The following IFT57 variants were observed in gnomAD, a reference collection of about 807,000 sequenced individuals.
IFT57 encodes intraflagellar transport 57.
Under a neutral mutation model 56.8 loss-of-function variants are expected in IFT57, and 59 were observed. The observed-to-expected ratio is 1.04, with a 90% CI of 0.84 to 1.29. IFT57 has a LOEUF of 1.29. IFT57 is among the 50% of genes most tolerant of loss of function. IFT57 has a pLI of 0.00. For missense variants in IFT57, 470 were observed against 522.1 expected (o/e 0.90, Z 0.97); for synonymous variants, 209 against 186.1 (o/e 1.12, Z -1.00).
At position 108,222,221 on chromosome 3, in the gene IFT57, G is replaced by C; in HGVS notation, c.102C>G (p.Pro34=). ...CCACGAACATGTGGTAGGCCGCGCC[G>C]GGCCCCCGCTCCAAGACCACTTCCC... ...GTGEVVLERG[P]GAAYHMFVVM... The change falls in exon 1 of 11, where the codon CCC becomes CCG. Residue 34 remains proline (P), a synonymous_variant. Coordinates refer to ENST00000264538, the MANE Select transcript of IFT57 (RefSeq NM_018010.4). 1.2e-6 allele frequency: 2 copies of C among 1,614,064 alleles called. No homozygotes were observed. Among genetic ancestry groups the C allele is most frequent in the Non-Finnish European group, 1.7e-6 (2 of 1,180,016 alleles).
intron 6 of IFT57, among the ~76,000 whole-genome samples, chr3:108,186,173 T>TAC (rs2080180972): frequency 6.6e-6 from 1 of 152,162 alleles, no homozygotes; most frequent in Non-Finnish European, 1.5e-5. Flanking sequence ...TCAATGAAGA[T>TAC]ACCATTGTTG....
chr3:108,167,796 G>A lies in IFT57; in HGVS notation c.846C>T (p.Thr282=). The part of the protein sequence containing the change: ...RSGIESALKE[T]KGFLDKLHNE... ...TCACGTAAAGTAATTCATATACCTT[G>A]GTCTCCTTTAGAGCAGATTCAATTC... The change falls in exon 7 of 11, where the codon ACC becomes ACT. Residue 282 remains threonine (T), a synonymous_variant. Transcript: ENST00000264538. The A allele has an allele frequency of 1.3e-6, 2 of 1,562,180 alleles. No homozygotes were observed. Among genetic ancestry groups the A allele is most frequent in the East Asian group, 2.4e-5 (1 of 42,340 alleles).
At chr3:108,220,699 G>A (rs1237281221) in intron 1 of IFT57, among the ~76,000 whole-genome samples, 4 of 87,336 alleles carry the variant, frequency 4.6e-5, no homozygotes, top group Admixed American at 2.2e-4. Flanking sequence ...TCATCTGGAA[G>A]GCTTACTGAA....
chr3:108,211,555 C>G (rs889313695), intron 4 of IFT57, among the ~76,000 whole-genome samples: 1 of 152,228 alleles, frequency 6.6e-6, no homozygotes, highest in African/African-American at 2.4e-5. Context: ...GCACATGCTA[C>G]ACAGTCAGGG....
At chr3:108,192,713 C>A (rs904482753) in intron 5 of IFT57, among the ~76,000 whole-genome samples, 5 of 151,594 alleles carry the variant, frequency 3.3e-5, no homozygotes, top group Admixed American at 3.3e-4. Flanking sequence ...ATGTATGAAC[C>A]TTATATGAAT....
chr3:108,167,956 G>C (rs2080071632), intron 6 of IFT57, 92 bp from the exon 7 acceptor site: 2 of 904,060 alleles, frequency 2.2e-6, no homozygotes, highest in African/African-American at 1.7e-5. Flanking sequence ...TAATTACTTT[G>C]GTTCCTGCCC....
At chr3:108,206,549 G>T in intron 5 of IFT57, 79 bp downstream of exon 5, 1 of 581,336 alleles carries the variant, frequency 1.7e-6, no homozygotes, top group Non-Finnish European at 2.9e-6. Context: ...GGCCAACAAC[G>T]GTTTCTACTC....
intron 6 of IFT57, among the ~76,000 whole-genome samples, chr3:108,190,942 G>A (rs891779683): frequency 1.3e-5 from 2 of 152,002 alleles, no homozygotes; most frequent in Non-Finnish European, 2.9e-5. Context: ...ACAGGCACGT[G>A]CCACCATGCC....
intron 6 of IFT57, among the ~76,000 whole-genome samples, chr3:108,173,813 TAA>T (rs2080108560): frequency 7.9e-6 from 1 of 126,028 alleles, no homozygotes; most frequent in African/African-American, 3.0e-5. Context: ...TGTGTGTATA[TAA>T]TATAGTATAT....
At chr3:108,177,588 G>A (rs532689492) in intron 6 of IFT57, among the ~76,000 whole-genome samples, 1 of 151,562 alleles carries the variant, frequency 6.6e-6, no homozygotes, top group Admixed American at 6.6e-5. Context: ...AACACAAGGT[G>A]GGGGGACAGG....
At chr3:108,178,858 A>G (rs2080137665) in intron 6 of IFT57, among the ~76,000 whole-genome samples, 1 of 151,902 alleles carries the variant, frequency 6.6e-6, no homozygotes, top group Non-Finnish European at 1.5e-5. Flanking sequence ...TCACATACTT[A>G]CACCATGACC....
chr3:108,203,723 G>C (rs1273338947), intron 5 of IFT57, among the ~76,000 whole-genome samples: 3 of 152,186 alleles, frequency 2.0e-5, no homozygotes, highest in Non-Finnish European at 4.4e-5. Context: ...TGCTCCAGTG[G>C]AGTTTGCATT....
intron 8 of IFT57, 74 bp downstream of exon 8, chr3:108,166,780 G>T: frequency 2.4e-6 from 3 of 1,242,942 alleles, no homozygotes; most frequent in South Asian, 3.5e-5. Flanking sequence ...ATTCTCAAAT[G>T]AACAGTATTG....
At chr3:108,219,661 A>C in intron 1 of IFT57, 89 bp from the exon 2 acceptor site, 1 of 1,355,216 alleles carries the variant, frequency 7.4e-7, no homozygotes, top group Non-Finnish European at 1.0e-6. Context: ...ACAATTGTCC[A>C]ACAATCTTTC....
intron 6 of IFT57, among the ~76,000 whole-genome samples, chr3:108,183,218 G>GAATA (rs1262814827): frequency 1.3e-5 from 2 of 151,904 alleles, no homozygotes; most frequent in African/African-American, 4.8e-5. Flanking sequence ...TCTTCATGAA[G>GAATA]AATAATAGGA....
chr3:108,184,467 C>T (rs2080168733), intron 6 of IFT57, among the ~76,000 whole-genome samples: 1 of 151,826 alleles, frequency 6.6e-6, no homozygotes, highest in Admixed American at 6.6e-5. Context: ...GTTATAAACA[C>T]ATAAAATATA....
At chr3:108,213,167 G>T (rs1406880436) in intron 4 of IFT57, among the ~76,000 whole-genome samples, 1 of 152,004 alleles carries the variant, frequency 6.6e-6, no homozygotes, top group African/African-American at 2.4e-5. Context: ...TATTGGTAAG[G>T]CTTCAAGTCA....
chr3:108,162,343 T>A lies in IFT57; in HGVS notation c.*134A>T, dbSNP rs111640670. 3 of 578,980 alleles carry A rather than the reference T, an allele frequency of 5.2e-6. No individual in the cohort carries two copies. Among genetic ancestry groups the A allele is most frequent in the African/African-American group, 3.8e-5 (2 of 53,032 alleles). The allele number at this position is 578,980 out of a possible 1,614,324, so 35.9% of individuals were successfully genotyped here. On this transcript the variant is annotated 3_prime_UTR_variant, in exon 11 of 11. Transcript: ENST00000264538. ...AAGGCTTTAACCATCATAATCACCA[T>A]GATATAATATGTGAGTATGTATATG...
intron 4 of IFT57, among the ~76,000 whole-genome samples, chr3:108,212,489 A>G (rs1237146808): frequency 2.0e-5 from 3 of 152,164 alleles, no homozygotes; most frequent in African/African-American, 7.2e-5. Flanking sequence ...ACTTTGTCTT[A>G]CCATGATTGT....
Sources: gnomAD v4.1 joint callset for allele counts (sites outside exome capture counted in the v4.1 genomes callset) on GRCh38, gnomAD v4.1.1 for gene constraint, MANE v1.5 for transcripts, NCBI Gene and HGNC (gene_info 2026-07-23, HGNC 2026-07-21) for gene names.